Variants in ALK observed in about 807,000 individuals in gnomAD.
ALK encodes the protein ALK receptor tyrosine kinase, also known as ALK tyrosine kinase receptor.
ALK carries 74 observed loss-of-function variants against 163.1 expected under a neutral mutation model. The ratio of observed to expected loss-of-function variants is 0.45; its 90% CI spans 0.38 to 0.55. The LOEUF (loss-of-function observed/expected upper bound fraction) is 0.55, where lower values mean the gene tolerates loss of function less well. Among genes scored for constraint, ALK ranks in the 20% least tolerant of loss-of-function variants. The pLI is 0.00. For missense variants in ALK, 2,063 were observed against 2,105.3 expected (o/e 0.98, Z 0.39); for synonymous variants, 960 against 843.2 (o/e 1.14, Z -2.40).
At chr2:29,831,887 A>T (rs1291215622) in intron 1 of ALK, among the ~76,000 whole-genome samples, 1 of 152,236 alleles carries the variant, frequency 6.6e-6, no homozygotes, top group Non-Finnish European at 1.5e-5. Context: ...TCTCCTGAAT[A>T]GGCGAACCAT....
At chr2:29,324,746 A>G (rs1023976186) in intron 6 of ALK, among the ~76,000 whole-genome samples, 2 of 152,212 alleles carry the variant, frequency 1.3e-5, no homozygotes, top group African/African-American at 4.8e-5. Context: ...GACCCCCTTC[A>G]GTGCATTACA....
chr2:29,830,486 G>A (rs913805287), intron 1 of ALK, among the ~76,000 whole-genome samples: 2 of 151,950 alleles, frequency 1.3e-5, no homozygotes, highest in African/African-American at 4.8e-5. Flanking sequence ...TTGACACAAG[G>A]TCTTCTTTAA....
chr2:29,383,428 T>G (rs544105303), intron 5 of ALK, among the ~76,000 whole-genome samples: 3 of 152,282 alleles, frequency 2.0e-5, no homozygotes, highest in South Asian at 2.1e-4. Flanking sequence ...GCAATTCTCC[T>G]GCCTCAGACT....
chr2:29,593,263 T>A (rs1303217079), intron 3 of ALK, among the ~76,000 whole-genome samples: 1 of 151,950 alleles, frequency 6.6e-6, no homozygotes, highest in East Asian at 1.9e-4. Context: ...TGTCAGGAGG[T>A]CAGAAAAGTC....
At chr2:29,297,191 C>T (rs970820244) in intron 8 of ALK, 134 bp from the exon 9 acceptor site, 2 of 904,932 alleles carry the variant, frequency 2.2e-6, no homozygotes, top group Non-Finnish European at 3.5e-6. Flanking sequence ...GCTGGATGCC[C>T]ACCACCTGTC....
chr2:29,506,422 A>G (rs937896262), intron 4 of ALK, among the ~76,000 whole-genome samples: 2 of 152,194 alleles, frequency 1.3e-5, no homozygotes, highest in Non-Finnish European at 2.9e-5. Context: ...ATCAGGGGAT[A>G]ATGCTTTGCA....
chr2:29,906,937 GTTTTTTTTTTTTTTTTTTT>G (rs70962250), intron 1 of ALK, among the ~76,000 whole-genome samples: 1 of 80,012 alleles, frequency 1.2e-5, no homozygotes, highest in Non-Finnish European at 2.3e-5. Flanking sequence ...TACATTTAAG[GTTTTTTTTTTTTTTTTTTT>G]TTTTTTTTTT....
chr2:29,693,359 G>T (rs1678456498), intron 3 of ALK, among the ~76,000 whole-genome samples: 1 of 150,596 alleles, frequency 6.6e-6, no homozygotes, highest in Non-Finnish European at 1.5e-5. Flanking sequence ...TTTTCTATAA[G>T]ATATCCAGAA....
chr2:29,586,710 G>A (rs895471523), intron 3 of ALK, among the ~76,000 whole-genome samples: 1 of 152,198 alleles, frequency 6.6e-6, no homozygotes, highest in Non-Finnish European at 1.5e-5. Flanking sequence ...GTGATTGGAA[G>A]TGAATCAGAA....
chr2:29,213,615 C>T (rs1033317219), intron 24 of ALK, among the ~76,000 whole-genome samples: 3 of 152,120 alleles, frequency 2.0e-5, no homozygotes, highest in Non-Finnish European at 4.4e-5. Flanking sequence ...CCAGCCCTGG[C>T]GAGGATATTT....
chr2:29,881,693 T>C (rs1402892906), intron 1 of ALK, among the ~76,000 whole-genome samples: 1 of 152,170 alleles, frequency 6.6e-6, no homozygotes, highest in Non-Finnish European at 1.5e-5. Flanking sequence ...ACCCAGCTGT[T>C]TTAAGGCTCA....
intron 1 of ALK, among the ~76,000 whole-genome samples, chr2:29,724,672 G>GA (rs1679518580): frequency 6.6e-6 from 1 of 152,160 alleles, no homozygotes. Context: ...TCTAGGCCTG[G>GA]AAAATGAGCG....
chr2:29,343,410 T>G (rs1158039414), intron 5 of ALK, among the ~76,000 whole-genome samples: 1 of 150,716 alleles, frequency 6.6e-6, no homozygotes, highest in African/African-American at 2.4e-5. Context: ...AGATGGGGTC[T>G]CCCTATTTTG....
At chr2:29,743,346 T>C (rs1393234442) in intron 1 of ALK, among the ~76,000 whole-genome samples, 1 of 152,216 alleles carries the variant, frequency 6.6e-6, no homozygotes, top group Non-Finnish European at 1.5e-5. Context: ...CTTTTCAGAC[T>C]GGCCTTTGCT....
At chr2:29,339,329 G>C (rs1462323049) in intron 5 of ALK, among the ~76,000 whole-genome samples, 1 of 152,038 alleles carries the variant, frequency 6.6e-6, no homozygotes, top group Admixed American at 6.6e-5. Flanking sequence ...CCATGAAAAA[G>C]GCTGTGGAGG....
chr2:29,222,235 T>C (rs2148168147), intron 22 of ALK, 109 bp downstream of exon 22: 1 of 983,594 alleles, frequency 1.0e-6, no homozygotes, highest in Non-Finnish European at 1.6e-6. Flanking sequence ...AAAGGGGACA[T>C]GCTAGGGACA....
At chr2:29,360,349 G>T (rs1668357788) in intron 5 of ALK, among the ~76,000 whole-genome samples, 1 of 152,088 alleles carries the variant, frequency 6.6e-6, no homozygotes, top group Non-Finnish European at 1.5e-5. Context: ...TTTCTTTTTG[G>T]ATAATGCACT....
At chr2:29,644,548 TA>T (rs1167099000) in intron 3 of ALK, among the ~76,000 whole-genome samples, 1 of 143,796 alleles carries the variant, frequency 7.0e-6, no homozygotes, top group African/African-American at 2.6e-5. Context: ...ATAAAGCCTA[TA>T]TATCTTTTCA....
At chr2:29,890,008 T>C (rs1667104391) in intron 1 of ALK, among the ~76,000 whole-genome samples, 1 of 152,030 alleles carries the variant, frequency 6.6e-6, no homozygotes, top group African/African-American at 2.4e-5. Context: ...AGGTTTCCAG[T>C]CCCCTAAGCA....
Sources: allele counts gnomAD v4.1 joint callset (sites outside exome capture counted in the v4.1 genomes callset), GRCh38; gene constraint gnomAD v4.1.1; transcripts MANE v1.5; gene names NCBI Gene and HGNC (gene_info 2026-07-23, HGNC 2026-07-21).